Variants in CLNK observed in about 807,000 individuals in gnomAD.
CLNK encodes cytokine-dependent hematopoietic cell linker.
CLNK carries 74 observed loss-of-function variants against 68.6 expected under a neutral mutation model. The observed-to-expected ratio is 1.08, with a 90% CI of 0.89 to 1.31. The LOEUF (loss-of-function observed/expected upper bound fraction) is 1.31, where lower values mean the gene tolerates loss of function less well. Ranked by LOEUF, CLNK falls within the 50% of genes most tolerant of loss-of-function variation. CLNK has a pLI of 0.00. For missense variants in CLNK, 553 were observed against 515.3 expected, an observed-to-expected ratio of 1.07 and a Z score of -0.71; for synonymous variants, 198 against 172.2, an observed-to-expected ratio of 1.15 and a Z score of -1.17.
intron 14 of CLNK, among the ~76,000 whole-genome samples, chr4:10,523,194 A>G (rs184614566): frequency 2.0e-5 from 3 of 152,374 alleles, no homozygotes; most frequent in East Asian, 1.9e-4. Context: ...ACGATGGGAA[A>G]GAGAGCTTAC....
At chr4:10,640,158 AT>A (rs566268934) in intron 2 of CLNK, among the ~76,000 whole-genome samples, 339 of 144,124 alleles carry the variant, frequency 2.4e-3, no homozygotes, top group African/African-American at 5.4e-3. Context: ...ATGGACTAAC[AT>A]TTTTTTTTTT....
intron 3 of CLNK, 55 bp from the exon 4 acceptor site, chr4:10,585,010 C>T: frequency 1.3e-6 from 2 of 1,591,898 alleles, no homozygotes; most frequent in Non-Finnish European, 1.7e-6. Context: ...TCCACCGACC[C>T]CCCGCCACAT....
At chr4:10,520,496 C>A (rs1016135261) in intron 15 of CLNK, among the ~76,000 whole-genome samples, 32 of 152,282 alleles carry the variant, frequency 2.1e-4, no homozygotes, top group African/African-American at 6.5e-4. Flanking sequence ...TATCCTAAGA[C>A]AGAGCAATTT....
intron 10 of CLNK, among the ~76,000 whole-genome samples, chr4:10,541,287 C>T (rs867710154): frequency 1.3e-5 from 2 of 151,152 alleles, no homozygotes; most frequent in African/African-American, 4.9e-5. Context: ...CTCACTCACT[C>T]ATATGTTATT....
At chr4:10,697,939 A>G in the CLNK span, among the ~76,000 whole-genome samples, 3 of 152,218 alleles carry the variant, frequency 2.0e-5, no homozygotes, top group Admixed American at 1.3e-4. Context: ...CATCCTCTCC[A>G]TCATCATGAT....
At position 10,637,524 on chromosome 4, in the gene CLNK, A is replaced by T. The variant is rs1003456644; in HGVS notation, c.11+30335T>A. On this transcript the variant is annotated intron_variant, in intron 2 of 18. Transcript: ENST00000226951. The stretch of plus-strand genomic sequence containing the variant: ...TGTTTTGGAGCAAAACATTAGAATC[A>T]CATGTATGTCCTACCTCTCCAAAAG... Among the ~76,000 whole-genome samples, 4 of 144,642 alleles carry T rather than the reference A, an allele frequency of 2.8e-5. No homozygotes were observed. The Admixed American group carries it at 2.8e-4, about 10-fold the overall frequency. The allele number at this position is 144,642 out of a possible 152,430, so 94.9% of individuals were successfully genotyped here. A position where few individuals can be genotyped will look rare whatever the true frequency, so the allele number is the denominator to read the frequency against.
At chr4:10,625,072 C>G (rs868302317) in intron 2 of CLNK, among the ~76,000 whole-genome samples, 1 of 152,240 alleles carries the variant, frequency 6.6e-6, no homozygotes, top group African/African-American at 2.4e-5. Context: ...ACCCATCTTT[C>G]ATTCCCAAAG....
chr4:10,587,603 C>T (rs754624583), intron 3 of CLNK, among the ~76,000 whole-genome samples: 7 of 152,184 alleles, frequency 4.6e-5, no homozygotes, highest in Non-Finnish European at 1.5e-5. Context: ...ACCAGGAGAC[C>T]ACGGTCTACA....
intron 18 of CLNK, among the ~76,000 whole-genome samples, chr4:10,492,376 T>G (rs1716618335): frequency 6.6e-6 from 1 of 152,206 alleles, no homozygotes; most frequent in Admixed American, 6.5e-5. Flanking sequence ...CTCCTTCCTC[T>G]GTCCGGGGCA....
intron 7 of CLNK, among the ~76,000 whole-genome samples, chr4:10,562,831 C>G (rs1446056781): frequency 6.6e-6 from 1 of 152,142 alleles, no homozygotes; most frequent in Non-Finnish European, 1.5e-5. Context: ...TATCTATTGT[C>G]TGTCTATTGT....
At chr4:10,702,175 A>C in the CLNK span, among the ~76,000 whole-genome samples, 1 of 152,208 alleles carries the variant, frequency 6.6e-6, no homozygotes, top group African/African-American at 2.4e-5. Context: ...CCATGAGGTC[A>C]TTTGCAGGAG....
At chr4:10,585,013 C>A in intron 3 of CLNK, 58 bp from the exon 4 acceptor site, 1 of 1,581,750 alleles carries the variant, frequency 6.3e-7, no homozygotes, top group Non-Finnish European at 8.7e-7. Flanking sequence ...ACCGACCCCC[C>A]GCCACATAGG....
At chr4:10,561,374 T>A (rs1719882804) in intron 7 of CLNK, among the ~76,000 whole-genome samples, 1 of 152,208 alleles carries the variant, frequency 6.6e-6, no homozygotes, top group African/African-American at 2.4e-5. Flanking sequence ...GGAAGAAACT[T>A]GTTTTTAACA....
chr4:10,624,565 T>G (rs1398762240), intron 2 of CLNK, among the ~76,000 whole-genome samples: 4 of 151,242 alleles, frequency 2.6e-5, no homozygotes, highest in Non-Finnish European at 5.9e-5. Flanking sequence ...GTGCTGGGAT[T>G]ACAGGCGTGA....
chr4:10,564,776 A>C lies in CLNK; in HGVS notation c.294T>G (p.Asp98Glu). 1 of 1,586,030 alleles carries C rather than the reference A, an allele frequency of 6.3e-7. No homozygotes were observed. The highest frequency in any genetic ancestry group is 1.1e-5 in the South Asian group (1 of 90,470). Residue 98 changes from aspartate (D) to glutamate (E), a missense_variant and splice_region_variant, in exon 7 of 19, where the codon GAT becomes GAG. Transcript: ENST00000226951. ...ARPIKESEYA[D>E]THYFKVAMDT... The stretch of plus-strand genomic sequence containing the variant: ...CCATTGCAACCTTGAAATAGTGTGT[A>C]TCTATGCAAACAGAAAAATATGAAA...
chr4:10,732,160 C>T, the CLNK span, among the ~76,000 whole-genome samples: 1 of 152,082 alleles, frequency 6.6e-6, no homozygotes, highest in Non-Finnish European at 1.5e-5. Flanking sequence ...ATTACCTTTG[C>T]TTTTAATATA....
intron 11 of CLNK, among the ~76,000 whole-genome samples, chr4:10,533,616 T>C (rs1426068058): frequency 6.6e-6 from 1 of 152,204 alleles, no homozygotes; most frequent in Non-Finnish European, 1.5e-5. Flanking sequence ...GCCTCCCGCT[T>C]TTAGTTGGAA....
chr4:10,667,750 T>C, intron 2 of CLNK, 109 bp downstream of exon 2: 1 of 1,040,112 alleles, frequency 9.6e-7, no homozygotes. Context: ...AAATCCCTTT[T>C]CCATGGGCGG....
intron 2 of CLNK, among the ~76,000 whole-genome samples, chr4:10,610,060 TTTTTTTTTTTTTTTG>T (rs1721950353): frequency 8.4e-5 from 7 of 83,100 alleles, no homozygotes; most frequent in Admixed American, 2.4e-4. Context: ...TTTTTTTTTT[TTTTTTTTTTTTTTTG>T]AGACGGAGTC....
Sources: allele counts gnomAD v4.1 joint callset (sites outside exome capture counted in the v4.1 genomes callset), GRCh38; gene constraint gnomAD v4.1.1; transcripts MANE v1.5; gene names NCBI Gene and HGNC (gene_info 2026-07-23, HGNC 2026-07-21).